The following FAM81B variants were observed in gnomAD, a reference collection of about 807,000 sequenced individuals.
FAM81B encodes family with sequence similarity 81 member B, also known as protein FAM81B.
FAM81B carries 60 observed loss-of-function variants against 58.7 expected under a neutral mutation model. The ratio of observed to expected loss-of-function variants is 1.02; its 90% confidence interval spans 0.83 to 1.27. FAM81B has a LOEUF of 1.27. FAM81B is among the 50% of genes most tolerant of loss of function. The pLI is 0.00. For synonymous variants in FAM81B, 189 were observed against 179.6 expected (o/e 1.05, Z -0.42); for missense variants, 491 against 522.0 (o/e 0.94, Z 0.58).
chr5:95,417,940 T>C (rs953442564), intron 4 of FAM81B, among the ~76,000 whole-genome samples: 1 of 152,244 alleles, frequency 6.6e-6, no homozygotes, highest in African/African-American at 2.4e-5. Context: ...TACACAAAGG[T>C]AAATATTCAA....
intron 3 of FAM81B, among the ~76,000 whole-genome samples, chr5:95,404,572 A>G (rs866230855): frequency 2.6e-5 from 4 of 151,888 alleles, no homozygotes; most frequent in Middle Eastern, 6.9e-3. Flanking sequence ...AGAGTAAACT[A>G]TGTCTTGAGG....
chr5:95,449,852 A>G (rs1379654377), intron 9 of FAM81B, among the ~76,000 whole-genome samples: 1 of 152,264 alleles, frequency 6.6e-6, no homozygotes, highest in Admixed American at 6.5e-5. Context: ...TTCAGAAAGA[A>G]TAAAATATTT....
intron 3 of FAM81B, among the ~76,000 whole-genome samples, chr5:95,411,421 T>A (rs1319911785): frequency 1.3e-5 from 2 of 152,198 alleles, no homozygotes; most frequent in Admixed American, 1.3e-4. Context: ...CACAGGCCAC[T>A]TTACATAATA....
rs183587403 is a variant in FAM81B, at chr5:95,417,923, C to T, written c.538-2361C>T. On this transcript the variant is annotated intron_variant, in intron 4 of 9. Coordinates refer to ENST00000283357, the MANE Select transcript of FAM81B (RefSeq NM_152548.3). Reference sequence around the variant, plus strand: ...CTTAATTGTATTTACAGTGTCTTTACAAGTTTTACACAAAGGTAAATATTC... The same window carrying T: ...CTTAATTGTATTTACAGTGTCTTTATAAGTTTTACACAAAGGTAAATATTC... 2.6e-5 allele frequency among the ~76,000 whole-genome samples: 4 copies of T among 152,280 alleles called. No individual in the cohort carries two copies. In the East Asian group the frequency reaches 7.7e-4, roughly 29 times the overall value.
At chr5:95,444,493 G>T (rs766605950) in intron 7 of FAM81B, among the ~76,000 whole-genome samples, 1 of 152,192 alleles carries the variant, frequency 6.6e-6, no homozygotes, top group Non-Finnish European at 1.5e-5. Flanking sequence ...GAGTATTCCA[G>T]ATAGAGAAAA....
intron 6 of FAM81B, among the ~76,000 whole-genome samples, chr5:95,432,805 A>G (rs1272801637): frequency 1.3e-5 from 2 of 152,084 alleles, no homozygotes; most frequent in Non-Finnish European, 2.9e-5. Flanking sequence ...GTGTGCCTTA[A>G]CAATGATTTT....
At chr5:95,418,542 T>C (rs1582803685) in intron 4 of FAM81B, among the ~76,000 whole-genome samples, 1 of 152,234 alleles carries the variant, frequency 6.6e-6, no homozygotes. Context: ...GTGTGTACGA[T>C]ATTATAGTAC....
intron 7 of FAM81B, chr5:95,440,256 G>GAA (rs1365702026): frequency 4.0e-6 from 3 of 758,012 alleles, no homozygotes; most frequent in Non-Finnish European, 7.1e-6. Flanking sequence ...AGATAATGCT[G>GAA]AAAAATACAA....
At chr5:95,448,558 T>C in intron 9 of FAM81B, 94 bp downstream of exon 9, 1 of 1,162,750 alleles carries the variant, frequency 8.6e-7, no homozygotes, top group Non-Finnish European at 1.2e-6. Context: ...GGGATCAATC[T>C]TGTCATTAGT....
At chr5:95,446,951 TAA>T (rs562369898) in intron 8 of FAM81B, among the ~76,000 whole-genome samples, 3 of 144,926 alleles carry the variant, frequency 2.1e-5, no homozygotes, top group African/African-American at 7.6e-5. Flanking sequence ...TTTTTTTTTT[TAA>T]AAAAAAAAAA....
intron 3 of FAM81B, among the ~76,000 whole-genome samples, chr5:95,399,505 G>A (rs1033500953): frequency 1.3e-5 from 2 of 151,564 alleles, no homozygotes; most frequent in African/African-American, 4.9e-5. Flanking sequence ...CCTGTGATGG[G>A]CAAGGCTCTG....
At chr5:95,409,197 C>T (rs1462538555) in intron 3 of FAM81B, among the ~76,000 whole-genome samples, 3 of 152,124 alleles carry the variant, frequency 2.0e-5, no homozygotes, top group East Asian at 1.9e-4. Flanking sequence ...CTCGCTCTGT[C>T]GCCCAGGCTG....
chr5:95,411,139 G>A (rs1561296501), intron 3 of FAM81B, among the ~76,000 whole-genome samples: 1 of 152,064 alleles, frequency 6.6e-6, no homozygotes, highest in Non-Finnish European at 1.5e-5. Context: ...GTACACATAA[G>A]GGCTTTGGAA....
At chr5:95,433,275 G>A (rs1023858228) in intron 6 of FAM81B, among the ~76,000 whole-genome samples, 3 of 152,022 alleles carry the variant, frequency 2.0e-5, no homozygotes, top group Non-Finnish European at 4.4e-5. Context: ...GCAAAGGCAT[G>A]TTTTACATGG....
Position 95,392,905 on chromosome 5 carries a change from C to T in FAM81B, c.228+8C>T. Reference sequence around the variant, plus strand: ...AATAACCAAGAAAAGAAAGCAAGTACTTTTCAATATTCACATTAAAAGTAG... The same window carrying T: ...AATAACCAAGAAAAGAAAGCAAGTATTTTTCAATATTCACATTAAAAGTAG... On this transcript the variant is annotated splice_region_variant and intron_variant, in intron 2 of 9. Coordinates refer to ENST00000283357, the MANE Select transcript of FAM81B (RefSeq NM_152548.3). 1 of 1,594,832 alleles carries T rather than the reference C, an allele frequency of 6.3e-7. No individual in the cohort carries two copies. The highest frequency in any genetic ancestry group is 8.5e-7 in the Non-Finnish European group (1 of 1,170,608).
chr5:95,439,912 A>T (rs945053108), intron 7 of FAM81B: 3 of 244,616 alleles, frequency 1.2e-5, no homozygotes, highest in Non-Finnish European at 2.4e-5. Flanking sequence ...CCAGCTACCC[A>T]GGAGGCTGAG....
intron 6 of FAM81B, among the ~76,000 whole-genome samples, chr5:95,431,150 T>C (rs1218831144): frequency 6.6e-6 from 1 of 152,054 alleles, no homozygotes; most frequent in East Asian, 1.9e-4. Context: ...CTTTGGTTTT[T>C]GACATGCACA....
intron 5 of FAM81B, among the ~76,000 whole-genome samples, 168 bp from the exon 6 acceptor site, chr5:95,428,435 A>G (rs1290243786): frequency 1.3e-5 from 2 of 152,194 alleles, no homozygotes; most frequent in Non-Finnish European, 2.9e-5. Context: ...CATCAGAAAG[A>G]GAAGGGAAAA....
At chr5:95,405,608 T>C (rs1394537413) in intron 3 of FAM81B, among the ~76,000 whole-genome samples, 2 of 152,162 alleles carry the variant, frequency 1.3e-5, no homozygotes, top group African/African-American at 4.8e-5. Context: ...TACTAGGTTG[T>C]TTATTTGTAG....
Sources: allele counts gnomAD v4.1 joint callset (sites outside exome capture counted in the v4.1 genomes callset), GRCh38; gene constraint gnomAD v4.1.1; transcripts MANE v1.5; gene names NCBI Gene and HGNC (gene_info 2026-07-23, HGNC 2026-07-21).